Variants in BANK1 observed in about 807,000 individuals in gnomAD.
BANK1 encodes B-cell scaffold protein with ankyrin repeats.
BANK1 carries 95 observed loss-of-function variants against 94.5 expected under a neutral mutation model. That is an observed-to-expected ratio of 1.00 (90% CI 0.85 to 1.19). BANK1 has a LOEUF of 1.19. BANK1 is among the 50% of genes most tolerant of loss of function. The pLI is 0.00. For missense variants in BANK1, 987 were observed against 932.2 expected (o/e 1.06, Z -0.77); for synonymous variants, 334 against 308.4 (o/e 1.08, Z -0.87).
At chr4:101,901,535 T>A (rs1722282177) in intron 6 of BANK1, among the ~76,000 whole-genome samples, 1 of 152,112 alleles carries the variant, frequency 6.6e-6, no homozygotes, top group Admixed American at 6.5e-5. Context: ...TGCACAGATA[T>A]TGGGAAAGGT....
chr4:102,059,506 C>T (rs989912244), intron 11 of BANK1, among the ~76,000 whole-genome samples: 2 of 152,174 alleles, frequency 1.3e-5, no homozygotes, highest in South Asian at 4.1e-4. Flanking sequence ...TCCTTAAAGT[C>T]ATGCAGGCCT....
At position 102,027,208 on chromosome 4, in the gene BANK1, CT is replaced by C. The variant is rs553916886; in HGVS notation, c.1594+1701del. On this transcript the variant is annotated intron_variant, in intron 9 of 16. Transcript: ENST00000322953. Reference sequence around the variant, plus strand: ...TTAATTGTCAAGAAGGTAAAATTGTCTTGTGTCAGATTATTTCTCTTAAAAG... The same window carrying C: ...TTAATTGTCAAGAAGGTAAAATTGTCTGTGTCAGATTATTTCTCTTAAAAG... Among the ~76,000 whole-genome samples the C allele has an allele frequency of 1.3e-4, 20 of 151,840 alleles. No homozygotes were observed. The South Asian group carries it at 2.5e-3, about 19-fold the overall frequency.
chr4:101,890,279 A>G (rs1424860920), intron 5 of BANK1, among the ~76,000 whole-genome samples: 1 of 152,020 alleles, frequency 6.6e-6, no homozygotes, highest in Non-Finnish European at 1.5e-5. Context: ...CATCACTGTC[A>G]TTGTGGAGTT....
At chr4:101,979,119 C>A (rs1053186214) in intron 7 of BANK1, among the ~76,000 whole-genome samples, 8 of 151,810 alleles carry the variant, frequency 5.3e-5, no homozygotes, top group Non-Finnish European at 1.0e-4. Context: ...TCCAATATAC[C>A]TGTGAAATAT....
intron 10 of BANK1, among the ~76,000 whole-genome samples, chr4:102,033,973 T>C (rs1315750900): frequency 6.6e-6 from 1 of 152,228 alleles, no homozygotes; most frequent in African/African-American, 2.4e-5. Context: ...CCTCATCAGC[T>C]AATTCATTCT....
At chr4:101,970,654 GGC>G (rs1724922550) in intron 7 of BANK1, among the ~76,000 whole-genome samples, 3 of 152,044 alleles carry the variant, frequency 2.0e-5, no homozygotes, top group Non-Finnish European at 4.4e-5. Context: ...AAATGAGAAA[GGC>G]TGCAGTGGAT....
intron 7 of BANK1, among the ~76,000 whole-genome samples, chr4:101,933,006 A>G (rs960826797): frequency 5.3e-5 from 8 of 151,508 alleles, no homozygotes; most frequent in Non-Finnish European, 1.2e-4. Context: ...TGGCAATACC[A>G]TATTATCACC....
At chr4:101,987,456 C>CTT (rs1430856751) in intron 7 of BANK1, among the ~76,000 whole-genome samples, 4 of 152,074 alleles carry the variant, frequency 2.6e-5, no homozygotes, top group African/African-American at 9.7e-5. Context: ...TGGCTTTAAC[C>CTT]ACCCAGTATA....
At chr4:101,930,736 A>G (rs969419666) in intron 7 of BANK1, among the ~76,000 whole-genome samples, 1 of 151,532 alleles carries the variant, frequency 6.6e-6, no homozygotes, top group African/African-American at 2.4e-5. Context: ...AAGGTCACAC[A>G]TTTGGTAATA....
At chr4:102,018,720 A>C (rs1296610562) in intron 7 of BANK1, among the ~76,000 whole-genome samples, 1 of 152,140 alleles carries the variant, frequency 6.6e-6, no homozygotes, top group Non-Finnish European at 1.5e-5. Context: ...GTGAGAATCA[A>C]TGTGTGTGTC....
At chr4:101,983,271 A>G (rs551683544) in intron 7 of BANK1, among the ~76,000 whole-genome samples, 1 of 152,186 alleles carries the variant, frequency 6.6e-6, no homozygotes, top group Admixed American at 6.6e-5. Flanking sequence ...TAGCCATATT[A>G]TATGCTAGAG....
chr4:101,835,338 T>A (rs1204043813), intron 2 of BANK1, among the ~76,000 whole-genome samples: 1 of 152,230 alleles, frequency 6.6e-6, no homozygotes, highest in Non-Finnish European at 1.5e-5. Context: ...TGTTCTCAAC[T>A]CTGCCCCCGT....
At chr4:101,979,565 A>T (rs568793228) in intron 7 of BANK1, among the ~76,000 whole-genome samples, 1 of 152,002 alleles carries the variant, frequency 6.6e-6, no homozygotes, top group South Asian at 2.1e-4. Context: ...TTAATAAATT[A>T]TATGAAATTT....
intron 5 of BANK1, among the ~76,000 whole-genome samples, chr4:101,891,893 T>G (rs1721888838): frequency 6.6e-6 from 1 of 152,042 alleles, no homozygotes; most frequent in African/African-American, 2.4e-5. Context: ...AAGCTTTCTA[T>G]TTTTTATTTG....
intron 13 of BANK1, among the ~76,000 whole-genome samples, chr4:102,064,836 C>T (rs1046024893): frequency 3.9e-5 from 6 of 152,158 alleles, no homozygotes; most frequent in Non-Finnish European, 8.8e-5. Flanking sequence ...CCTGACTACA[C>T]TCTGAGCAAA....
At chr4:101,992,155 C>G (rs1053217662) in intron 7 of BANK1, among the ~76,000 whole-genome samples, 1 of 152,160 alleles carries the variant, frequency 6.6e-6, no homozygotes, top group Non-Finnish European at 1.5e-5. Context: ...TATTATCACT[C>G]TAATCATGTG....
chr4:101,953,615 C>A (rs757807393), intron 7 of BANK1, among the ~76,000 whole-genome samples: 1 of 151,712 alleles, frequency 6.6e-6, no homozygotes, highest in Non-Finnish European at 1.5e-5. Context: ...TCTGCTAGCA[C>A]GATTACCTCC....
chr4:101,864,305 C>T (rs180674998), intron 4 of BANK1, among the ~76,000 whole-genome samples: 1 of 152,250 alleles, frequency 6.6e-6, no homozygotes, highest in Non-Finnish European at 1.5e-5. Context: ...GGGCCCAGAG[C>T]CTTATTTTCT....
At chr4:101,837,801 A>G (rs1191122570) in intron 2 of BANK1, among the ~76,000 whole-genome samples, 2 of 152,214 alleles carry the variant, frequency 1.3e-5, no homozygotes, top group Non-Finnish European at 2.9e-5. Context: ...TGCTAATAAA[A>G]TAAGATAAAG....
Sources: gnomAD v4.1 joint callset for allele counts (sites outside exome capture counted in the v4.1 genomes callset) on GRCh38, gnomAD v4.1.1 for gene constraint, MANE v1.5 for transcripts, NCBI Gene and HGNC (gene_info 2026-07-23, HGNC 2026-07-21) for gene names.